TRAF3IP3: variants seen among roughly 807,000 people sequenced by gnomAD.
The protein encoded by TRAF3IP3 is TRAF3 interacting protein 3, also known as TRAF3-interacting JNK-activating modulator.
Under a neutral mutation model 86.5 loss-of-function variants are expected in TRAF3IP3, and 64 were observed. That is an observed-to-expected ratio of 0.74 (90% CI 0.60 to 0.91). The LOEUF (loss-of-function observed/expected upper bound fraction) is 0.91, where lower values mean the gene tolerates loss of function less well. TRAF3IP3 is among the 40% of genes least tolerant of loss of function. The probability of loss-of-function intolerance (pLI) is 0.00; values close to 1 mark genes in which losing one functional copy is unlikely to be tolerated. For missense variants in TRAF3IP3, 579 were observed against 642.9 expected, an observed-to-expected ratio of 0.90 and a Z score of 1.07; for synonymous variants, 220 against 243.9, an observed-to-expected ratio of 0.90 and a Z score of 0.91.
At chr1:209,767,993 A>AC (rs1263200102) in intron 8 of TRAF3IP3, among the ~76,000 whole-genome samples, 1 of 151,336 alleles carries the variant, frequency 6.6e-6, no homozygotes, top group East Asian at 1.9e-4. Flanking sequence ...CTCCCCACCA[A>AC]CCCCCTAGCT....
chr1:209,762,722 C>T lies in TRAF3IP3; in HGVS notation c.493+60C>T, dbSNP rs1324003984. 5.1e-6 allele frequency: 6 copies of T among 1,176,944 alleles called. 2 individuals carry two copies. Among genetic ancestry groups the T allele is most frequent in the Non-Finnish European group, 6.5e-6 (6 of 917,014 alleles). The allele number at this position is 1,176,944 out of a possible 1,614,324, so 72.9% of individuals were successfully genotyped here. On this transcript the variant is annotated intron_variant, in intron 4 of 16. Transcript: ENST00000367025. ...GCAGAGAATCCTGAGACAACTGTCC[C>T]AGCTCACTGGCAATGGAGAGTCCCT...
At chr1:209,772,094 G>C (rs1164557880) in intron 8 of TRAF3IP3, among the ~76,000 whole-genome samples, 1 of 152,030 alleles carries the variant, frequency 6.6e-6, no homozygotes, top group East Asian at 1.9e-4. Context: ...TGCATGTGGA[G>C]GTGTGTGTGG....
Position 209,780,607 on chromosome 1 carries a change from G to A in TRAF3IP3, c.1449+1G>A. 5 of 1,583,024 alleles carry A rather than the reference G, an allele frequency of 3.2e-6. No homozygotes were observed. Among genetic ancestry groups the A allele is most frequent in the Non-Finnish European group, 4.3e-6 (5 of 1,161,924 alleles). On this transcript the variant is annotated splice_donor_variant, in intron 15 of 16. Transcript: ENST00000367025. LOFTEE classifies it high-confidence loss of function. ...GCAGCTCCAGGCCAAGGAAAAGGAGGTGAGAGGGTGACCTGAGATAGTGAG... is the reference window on the plus strand; with the variant it reads ...GCAGCTCCAGGCCAAGGAAAAGGAGATGAGAGGGTGACCTGAGATAGTGAG...
At position 209,777,506 on chromosome 1, in the gene TRAF3IP3, G is replaced by T. The variant is rs1187437983; in HGVS notation, c.1189+19G>T. 6.3e-7 allele frequency: 1 copy of T among 1,589,874 alleles called. No homozygotes were observed. ...CTACAAGGTACTCTTCTCCTTGGAG[G>T]CCTTGAGTGCATGGCAGCCATGGCC... On this transcript the variant is annotated intron_variant, in intron 12 of 16. Coordinates refer to ENST00000367025, the MANE Select transcript of TRAF3IP3 (RefSeq NM_025228.4).
At chr1:209,780,635 C>T in intron 15 of TRAF3IP3, 29 bp downstream of exon 15, 1 of 1,495,614 alleles carries the variant, frequency 6.7e-7, no homozygotes, top group Admixed American at 2.2e-5. Context: ...ATAGTGAGGG[C>T]TCATTTGCGA....
chr1:209,768,798 G>A (rs2077406297), intron 8 of TRAF3IP3: 3 of 653,944 alleles, frequency 4.6e-6, no homozygotes, highest in Admixed American at 6.3e-5. Context: ...CTGTAACACT[G>A]GGCTTCAGTG....
At chr1:209,780,727 T>C (rs1571969692) in intron 15 of TRAF3IP3, 121 bp downstream of exon 15, 9 of 951,688 alleles carry the variant, frequency 9.5e-6, no homozygotes, top group East Asian at 3.2e-5. Context: ...AGACATTCAT[T>C]TGCCTACATA....
intron 9 of TRAF3IP3, among the ~76,000 whole-genome samples, chr1:209,774,735 G>A (rs144475157): frequency 2.0e-5 from 3 of 152,140 alleles, no homozygotes; most frequent in Non-Finnish European, 4.4e-5. Context: ...TACAGGAAGT[G>A]GCAAGATCAG....
chr1:209,775,935 G>C, intron 11 of TRAF3IP3, 199 bp downstream of exon 11: 1 of 528,140 alleles, frequency 1.9e-6, no homozygotes, highest in Non-Finnish European at 3.3e-6. Flanking sequence ...TGTCTGCATT[G>C]CTCATGCAAA....
intron 12 of TRAF3IP3, chr1:209,777,757 C>T: frequency 2.0e-6 from 1 of 498,688 alleles, no homozygotes; most frequent in Non-Finnish European, 3.5e-6. Flanking sequence ...CAGCTGCTCC[C>T]ACATCAGTCA....
At chr1:209,774,482 G>A (rs547358948) in intron 9 of TRAF3IP3, among the ~76,000 whole-genome samples, 29 of 152,170 alleles carry the variant, frequency 1.9e-4, no homozygotes, top group Non-Finnish European at 3.4e-4. Context: ...GGGGTAGTTG[G>A]TCAATTTATC....
chr1:209,763,478 G>A lies in TRAF3IP3; in HGVS notation c.607-14G>A, dbSNP rs1558011109. The A allele has an allele frequency of 6.2e-7, 1 of 1,613,904 alleles. No homozygotes were observed. Among genetic ancestry groups the A allele is most frequent in the Non-Finnish European group, 8.5e-7 (1 of 1,179,842 alleles). On this transcript the variant is annotated splice_polypyrimidine_tract_variant and intron_variant, in intron 7 of 16. Coordinates refer to ENST00000367025, the MANE Select transcript of TRAF3IP3 (RefSeq NM_025228.4). Reference sequence around the variant, plus strand: ...TTAATCTTACCCTCTTGCACTTTGTGCCCGCACCCCCAGGAGGCCCTACAA... The same window carrying A: ...TTAATCTTACCCTCTTGCACTTTGTACCCGCACCCCCAGGAGGCCCTACAA...
At chr1:209,760,422 G>A (rs763105769) in intron 3 of TRAF3IP3, 38 bp downstream of exon 3, 1 of 1,507,162 alleles carries the variant, frequency 6.6e-7, no homozygotes, top group Admixed American at 2.1e-5. Flanking sequence ...GTGTGCTCTG[G>A]GACCCTCTCT....
chr1:209,778,073 G>C, intron 12 of TRAF3IP3, 38 bp from the exon 13 acceptor site: 1 of 1,581,550 alleles, frequency 6.3e-7, no homozygotes, highest in Non-Finnish European at 8.7e-7. Context: ...ATTAAGTCTT[G>C]GGTTCCTTTA....
At chr1:209,760,508 A>C in intron 3 of TRAF3IP3, 124 bp downstream of exon 3, 1 of 817,792 alleles carries the variant, frequency 1.2e-6, no homozygotes. Flanking sequence ...GTCATATAGT[A>C]AAGTTGCCAA....
At chr1:209,765,292 A>C (rs2077336418) in intron 8 of TRAF3IP3, among the ~76,000 whole-genome samples, 1 of 147,146 alleles carries the variant, frequency 6.8e-6, no homozygotes, top group Non-Finnish European at 1.5e-5. Flanking sequence ...GAAGGAAGAA[A>C]TTAAGATAGA....
intron 8 of TRAF3IP3, among the ~76,000 whole-genome samples, chr1:209,772,673 GC>G (rs748605594): frequency 1.1e-4 from 17 of 150,880 alleles, no homozygotes; most frequent in African/African-American, 3.5e-4. Context: ...TCCTTCCGGG[GC>G]CCCCCTGCTA....
chr1:209,765,233 GGA>G (rs2077330070), intron 8 of TRAF3IP3, among the ~76,000 whole-genome samples: 28 of 87,980 alleles, frequency 3.2e-4, no homozygotes, highest in East Asian at 2.0e-3. Flanking sequence ...GAGAGAGGAA[GGA>G]AGGAAGGAAG....
At chr1:209,780,787 T>C (rs780832087) in intron 15 of TRAF3IP3, 181 bp downstream of exon 15, 10 of 437,096 alleles carry the variant, frequency 2.3e-5, no homozygotes, top group Non-Finnish European at 3.8e-5. Flanking sequence ...CTTCCTTATT[T>C]ATACCAACTC....
Sources: allele counts gnomAD v4.1 joint callset (sites outside exome capture counted in the v4.1 genomes callset), GRCh38; gene constraint gnomAD v4.1.1; transcripts MANE v1.5; gene names NCBI Gene and HGNC (gene_info 2026-07-23, HGNC 2026-07-21).